The following MVB12B variants were observed in gnomAD, a reference collection of about 807,000 sequenced individuals.
MVB12B encodes the protein multivesicular body subunit 12B.
MVB12B carries 16 observed loss-of-function variants against 41.6 expected under a neutral mutation model. The ratio of observed to expected loss-of-function variants is 0.38; its 90% CI spans 0.26 to 0.58. MVB12B has a LOEUF of 0.58. MVB12B is among the 20% of genes least tolerant of loss of function. The pLI is 0.62. For synonymous variants in MVB12B, 133 were observed against 139.7 expected (o/e 0.95, Z 0.34); for missense variants, 274 against 380.2 (o/e 0.72, Z 2.32).
intron 3 of MVB12B, among the ~76,000 whole-genome samples, chr9:126,385,702 C>A (rs1320060117): frequency 6.6e-6 from 1 of 152,200 alleles, no homozygotes; most frequent in Non-Finnish European, 1.5e-5. Context: ...GCCCATCATT[C>A]TTTCCTTAAC....
chr9:126,442,072 A>G (rs188582908), intron 7 of MVB12B, among the ~76,000 whole-genome samples: 3 of 152,288 alleles, frequency 2.0e-5, no homozygotes, highest in Middle Eastern at 3.4e-3. Flanking sequence ...TGATTTTTTC[A>G]TGCTTCCCTA....
chr9:126,366,905 C>T (rs1045131006), intron 2 of MVB12B, among the ~76,000 whole-genome samples: 1 of 152,208 alleles, frequency 6.6e-6, no homozygotes, highest in Non-Finnish European at 1.5e-5. Flanking sequence ...CCGGCTGACA[C>T]CTCAACCTGA....
chr9:126,383,221 A>G (rs1830684215), intron 3 of MVB12B, among the ~76,000 whole-genome samples: 1 of 152,180 alleles, frequency 6.6e-6, no homozygotes, highest in Admixed American at 6.5e-5. Flanking sequence ...ACTGTAAAGG[A>G]GGGATGTGGG....
intron 7 of MVB12B, among the ~76,000 whole-genome samples, chr9:126,453,848 C>T (rs1266502837): frequency 1.3e-5 from 2 of 152,202 alleles, no homozygotes; most frequent in Non-Finnish European, 2.9e-5. Context: ...CAGGTGGCCT[C>T]CCCTCCTCTC....
intron 7 of MVB12B, among the ~76,000 whole-genome samples, chr9:126,446,941 T>C: frequency 1.8e-5 from 1 of 54,094 alleles, no homozygotes; most frequent in African/African-American, 5.2e-5. Flanking sequence ...TAACTTTCTT[T>C]TTTTTTTTTT....
chr9:126,467,059 C>T (rs918046532), intron 7 of MVB12B, among the ~76,000 whole-genome samples: 2 of 152,068 alleles, frequency 1.3e-5, no homozygotes, highest in Non-Finnish European at 2.9e-5. Flanking sequence ...GTCTCGAACT[C>T]CTGAGCTCAG....
chr9:126,428,813 A>G (rs1190892032), intron 7 of MVB12B, among the ~76,000 whole-genome samples: 4 of 151,912 alleles, frequency 2.6e-5, no homozygotes, highest in Non-Finnish European at 4.4e-5. Flanking sequence ...GGAAAGAGCC[A>G]CTGTCTTCTG....
chr9:126,489,261 T>A (rs986597862), intron 9 of MVB12B, among the ~76,000 whole-genome samples: 1 of 152,174 alleles, frequency 6.6e-6, no homozygotes, highest in African/African-American at 2.4e-5. Flanking sequence ...AGGGGACAAA[T>A]TTGCTGTATA....
chr9:126,425,927 C>T (rs1248208812), intron 7 of MVB12B, among the ~76,000 whole-genome samples: 1 of 152,318 alleles, frequency 6.6e-6, no homozygotes, highest in South Asian at 2.1e-4. Flanking sequence ...CCAATCCCAT[C>T]CAGGGCCTGT....
chr9:126,460,043 G>C (rs1833057467), intron 7 of MVB12B, among the ~76,000 whole-genome samples: 1 of 152,218 alleles, frequency 6.6e-6, no homozygotes, highest in African/African-American at 2.4e-5. Flanking sequence ...CTCAGTCTTA[G>C]TGGCTCTAGA....
intron 6 of MVB12B, among the ~76,000 whole-genome samples, chr9:126,413,118 C>T (rs979446156): frequency 5.3e-5 from 8 of 152,236 alleles, no homozygotes; most frequent in Non-Finnish European, 8.8e-5. Flanking sequence ...CATCTCACTC[C>T]AACCCTCTCC....
intron 7 of MVB12B, among the ~76,000 whole-genome samples, chr9:126,443,651 C>A (rs527918245): frequency 2.0e-5 from 3 of 152,172 alleles, no homozygotes; most frequent in Non-Finnish European, 4.4e-5. Context: ...TTTTTCTATG[C>A]CATATGTTTA....
intron 1 of MVB12B, chr9:126,327,353 C>T: frequency 2.0e-6 from 2 of 983,210 alleles, no homozygotes; most frequent in Non-Finnish European, 2.4e-6. Context: ...CCCACCTGGG[C>T]ACAGACTGGG....
chr9:126,384,806 T>G (rs1032913935), intron 3 of MVB12B, among the ~76,000 whole-genome samples: 3 of 151,046 alleles, frequency 2.0e-5, no homozygotes, highest in Non-Finnish European at 2.9e-5. Context: ...GTGCTTGGAT[T>G]ACAGGCATGA....
chr9:126,366,674 T>C (rs1328702301), intron 2 of MVB12B, among the ~76,000 whole-genome samples: 1 of 152,214 alleles, frequency 6.6e-6, no homozygotes, highest in Non-Finnish European at 1.5e-5. Context: ...TTCAGCTGCA[T>C]TCAGCTTTGT....
At chr9:126,457,734 G>T (rs542127952) in intron 7 of MVB12B, among the ~76,000 whole-genome samples, 1 of 152,128 alleles carries the variant, frequency 6.6e-6, no homozygotes, top group Non-Finnish European at 1.5e-5. Context: ...GGGACGCGTC[G>T]CCTGTCGTTC....
chr9:126,427,956 CT>C (rs11357346), intron 7 of MVB12B, among the ~76,000 whole-genome samples: 118,297 of 142,298 alleles, frequency 0.83, 49,110 homozygotes, highest in East Asian at 0.98. Context: ...AGCTTTTTTT[CT>C]TTTTTTTTTT....
chr9:126,436,380 G>A lies in MVB12B; in HGVS notation c.757+14432G>A, dbSNP rs775672146. ...ACCTACAAGTTATGAACTTTGCAGAGCAGCAGTTCTTATGCTAAAAACAGA... is the reference window on the plus strand; with the variant it reads ...ACCTACAAGTTATGAACTTTGCAGAACAGCAGTTCTTATGCTAAAAACAGA... On this transcript the variant is annotated intron_variant, in intron 7 of 9. Transcript: ENST00000361171. This position sits in a 1 kb window ranked among gnomAD's most constrained non-coding sequence, Gnocchi z 4.1. 7.9e-5 allele frequency among the ~76,000 whole-genome samples: 12 copies of A among 152,238 alleles called. No individual in the cohort carries two copies. The highest frequency in any genetic ancestry group is 1.5e-4 in the Non-Finnish European group (10 of 68,038).
chr9:126,373,861 GA>G (rs923886148), intron 2 of MVB12B, among the ~76,000 whole-genome samples: 11 of 151,708 alleles, frequency 7.3e-5, no homozygotes, highest in Admixed American at 3.3e-4. Flanking sequence ...AAATACAGGG[GA>G]AAAAAAAGAA....
Sources: gnomAD v4.1 joint callset for allele counts (sites outside exome capture counted in the v4.1 genomes callset) on GRCh38, gnomAD v4.1.1 for gene constraint, Gnocchi (gnomAD v3.1) non-coding constraint, MANE v1.5 for transcripts, NCBI Gene and HGNC (gene_info 2026-07-23, HGNC 2026-07-21) for gene names.